Variants in MUCL1 observed in about 807,000 individuals in gnomAD.
MUCL1 encodes the protein mucin like 1, also known as mucin-like protein 1.
A neutral mutation model predicts 9.2 loss-of-function variants in MUCL1; 11 were observed. The observed-to-expected ratio is 1.19, with a 90% confidence interval of 0.75 to 1.97. MUCL1 has a LOEUF of 1.97. Among genes scored for constraint, MUCL1 ranks in the 30% most tolerant of loss-of-function variants. The probability of loss-of-function intolerance (pLI) is 0.00; values close to 1 mark genes in which losing one functional copy is unlikely to be tolerated. For synonymous variants in MUCL1, 48 were observed against 40.5 expected (o/e 1.19, Z -0.71); for missense variants, 144 against 110.9 (o/e 1.30, Z -1.34).
chr12:54,847,248 G>A (rs931551488), intron 1 of MUCL1, among the ~76,000 whole-genome samples: 2 of 152,268 alleles, frequency 1.3e-5, no homozygotes, highest in South Asian at 4.2e-4. Context: ...AAATAGTGTT[G>A]AGCAATGAAC....
chr12:54,853,279 C>CA (rs1232069556), upstream of MUCL1, among the ~76,000 whole-genome samples: 2 of 152,168 alleles, frequency 1.3e-5, no homozygotes, highest in Non-Finnish European at 2.9e-5. Flanking sequence ...AAATGTTCAT[C>CA]ACCCCTCTTT....
At chr12:54,857,973 G>A (rs181847838) in intron 3 of MUCL1, among the ~76,000 whole-genome samples, 1 of 152,236 alleles carries the variant, frequency 6.6e-6, no homozygotes, top group Non-Finnish European at 1.5e-5. Flanking sequence ...TCTCTCTAAA[G>A]TTCCAACCTA....
At chr12:54,840,162 G>C (rs546504281) in intron 1 of MUCL1, among the ~76,000 whole-genome samples, 1 of 152,178 alleles carries the variant, frequency 6.6e-6, no homozygotes, top group African/African-American at 2.4e-5. Flanking sequence ...ATCCAGTGAT[G>C]TGATATGTCC....
upstream of MUCL1, among the ~76,000 whole-genome samples, chr12:54,837,098 T>C (rs185786792): frequency 6.6e-6 from 1 of 152,268 alleles, no homozygotes; most frequent in Non-Finnish European, 1.5e-5. Context: ...TCAGGTCAAT[T>C]TTTTCTAGAG....
At chr12:54,852,613 T>A (rs891204550), upstream of MUCL1, among the ~76,000 whole-genome samples, 2 of 152,224 alleles carry the variant, frequency 1.3e-5, no homozygotes, top group Admixed American at 6.5e-5. Flanking sequence ...CCCTAACTGA[T>A]ACATATGTTT....
intron 1 of MUCL1, among the ~76,000 whole-genome samples, chr12:54,833,991 A>G (rs1959189007): frequency 6.6e-6 from 1 of 152,142 alleles, no homozygotes. Flanking sequence ...TCTACTTAAC[A>G]GTCGTTTGTT....
intron 1 of MUCL1, among the ~76,000 whole-genome samples, chr12:54,842,588 A>G (rs1398455803): frequency 6.6e-6 from 1 of 152,122 alleles, no homozygotes; most frequent in Non-Finnish European, 1.5e-5. Context: ...GTACATTGTT[A>G]TAGTCACCAT....
intron 1 of MUCL1, among the ~76,000 whole-genome samples, chr12:54,845,551 G>A (rs781285576): frequency 1.3e-5 from 2 of 152,036 alleles, no homozygotes; most frequent in Non-Finnish European, 2.9e-5. Context: ...CTCAAACCAA[G>A]TACTTAGATT....
chr12:54,832,226 A>C (rs1447600225), intron 1 of MUCL1, among the ~76,000 whole-genome samples: 1 of 152,130 alleles, frequency 6.6e-6, no homozygotes, highest in African/African-American at 2.4e-5. Flanking sequence ...ACACATTTAA[A>C]AATATGAGCC....
chr12:54,855,226 C>G, intron 2 of MUCL1, 69 bp downstream of exon 2: 1 of 1,374,412 alleles, frequency 7.3e-7, no homozygotes, highest in South Asian at 1.2e-5. Flanking sequence ...TCATGTCAAA[C>G]AGCCAGTTTC....
intron 1 of MUCL1, among the ~76,000 whole-genome samples, chr12:54,844,129 A>T (rs771428934): frequency 5.9e-5 from 9 of 152,158 alleles, no homozygotes; most frequent in Non-Finnish European, 8.8e-5. Flanking sequence ...TCATCAAATT[A>T]TATTAGAAGT....
chr12:54,840,874 A>C (rs956376453), intron 1 of MUCL1, among the ~76,000 whole-genome samples: 8 of 152,150 alleles, frequency 5.3e-5, no homozygotes, highest in African/African-American at 9.7e-5. Flanking sequence ...GCAGTATTCC[A>C]CTAGTAGCAG....
chr12:54,838,697 T>G (rs554534221), upstream of MUCL1, among the ~76,000 whole-genome samples: 1 of 152,306 alleles, frequency 6.6e-6, no homozygotes, highest in South Asian at 2.1e-4. Context: ...AAATTCTTCT[T>G]GGTCTAGTCT....
chr12:54,855,504 A>G (rs1592250272), intron 2 of MUCL1: 1 of 252,254 alleles, frequency 4.0e-6, no homozygotes, highest in Middle Eastern at 1.5e-3. Flanking sequence ...ATATATAGCC[A>G]GTGTCAAAAA....
chr12:54,855,266 C>T (rs544913411), intron 2 of MUCL1, 109 bp downstream of exon 2: 85 of 957,722 alleles, frequency 8.9e-5, no homozygotes, highest in Non-Finnish European at 1.4e-4. Context: ...ATAAGGAATC[C>T]TAAGCAAAAG....
At chr12:54,853,575 T>C (rs937981103), upstream of MUCL1, among the ~76,000 whole-genome samples, 17 of 152,202 alleles carry the variant, frequency 1.1e-4, no homozygotes, top group Non-Finnish European at 2.5e-4. Flanking sequence ...TGTTCAAATA[T>C]CACCTATTCA....
intron 1 of MUCL1, among the ~76,000 whole-genome samples, chr12:54,845,879 ATGT>A (rs1266053658): frequency 6.6e-6 from 1 of 152,100 alleles, no homozygotes; most frequent in Non-Finnish European, 1.5e-5. Flanking sequence ...AGTGTTTCTG[ATGT>A]TATTTTTGAT....
In MUCL1 at chr12:54,855,327, T is replaced by G. The variant is rs1016356302; in HGVS notation, c.100+170T>G. 2.3e-5 allele frequency: 14 copies of G among 612,066 alleles called. No homozygotes were observed. The East Asian group carries it at 3.9e-4, about 17-fold the overall frequency. 37.9% of individuals were successfully genotyped at this position (612,066 alleles called of 1,614,324 possible). ...TAAAATTCACCACAAACATAGTGAATCTGCTTATTTCTTATACATTCTTAG... is the reference window on the plus strand; with the variant it reads ...TAAAATTCACCACAAACATAGTGAAGCTGCTTATTTCTTATACATTCTTAG... On this transcript the variant is annotated intron_variant, in intron 2 of 3. Coordinates refer to ENST00000308796, the MANE Select transcript of MUCL1 (RefSeq NM_058173.3).
At chr12:54,849,016 G>T (rs571576923) in intron 1 of MUCL1, among the ~76,000 whole-genome samples, 152 of 152,190 alleles carry the variant, frequency 1.0e-3, no homozygotes, top group African/African-American at 3.6e-3. Flanking sequence ...CCTGTAAGCA[G>T]GTAATGCTAG....
Sources: allele counts gnomAD v4.1 joint callset (sites outside exome capture counted in the v4.1 genomes callset), GRCh38; gene constraint gnomAD v4.1.1; transcripts MANE v1.5; gene names NCBI Gene and HGNC (gene_info 2026-07-23, HGNC 2026-07-21).